The following CSMD3 variants were observed in gnomAD, a reference collection of about 807,000 sequenced individuals.
CSMD3 encodes CUB and sushi domain-containing protein 3.
CSMD3 carries 177 observed loss-of-function variants against 435.2 expected under a neutral mutation model. The observed-to-expected ratio is 0.41, with a 90% CI of 0.36 to 0.46. The LOEUF (loss-of-function observed/expected upper bound fraction) is 0.46, where lower values mean the gene tolerates loss of function less well. CSMD3 is among the 20% of genes least tolerant of loss of function. CSMD3 has a pLI of 0.34. For synonymous variants in CSMD3, 1,656 were observed against 1,520.5 expected (o/e 1.09, Z -2.07); for missense variants, 4,265 against 4,504.6 (o/e 0.95, Z 1.52).
intron 4 of CSMD3, among the ~76,000 whole-genome samples, chr8:113,128,284 G>C (rs2091192405): frequency 6.6e-6 from 1 of 151,768 alleles, no homozygotes; most frequent in South Asian, 2.1e-4. Context: ...AATGAAAAGA[G>C]GAAGGAAAAG....
At chr8:112,389,022 A>T (rs555347690) in intron 36 of CSMD3, among the ~76,000 whole-genome samples, 1 of 152,280 alleles carries the variant, frequency 6.6e-6, no homozygotes, top group South Asian at 2.1e-4. Flanking sequence ...GGAGAAAAAA[A>T]TAGTCTATTA....
Position 112,336,639 on chromosome 8 carries a change from A to T in CSMD3, c.7019+13T>A, listed in dbSNP as rs1824589679. 1 of 1,570,524 alleles carries T rather than the reference A, an allele frequency of 6.4e-7. No individual in the cohort carries two copies. The highest frequency in any genetic ancestry group is 8.8e-7 in the Non-Finnish European group (1 of 1,140,622). ...TATAATTGAATAAATCAATAACAAT[A>T]GTCCTGACTTACCATACAGTAATGA... On this transcript the variant is annotated intron_variant, in intron 44 of 70. Coordinates refer to ENST00000297405, the MANE Select transcript of CSMD3 (RefSeq NM_198123.2).
chr8:113,415,041 G>A (rs1649335725), intron 1 of CSMD3, among the ~76,000 whole-genome samples: 1 of 152,084 alleles, frequency 6.6e-6, no homozygotes, highest in Non-Finnish European at 1.5e-5. Flanking sequence ...GAATTAACTA[G>A]TGAAAAGTAA....
At chr8:113,069,223 G>T (rs576926107) in intron 5 of CSMD3, among the ~76,000 whole-genome samples, 6 of 152,184 alleles carry the variant, frequency 3.9e-5, no homozygotes, top group African/African-American at 1.4e-4. Flanking sequence ...CTGCCTAGTA[G>T]ATTAGACTAT....
At chr8:112,581,916 A>T (rs554163470) in intron 23 of CSMD3, among the ~76,000 whole-genome samples, 18 of 152,050 alleles carry the variant, frequency 1.2e-4, no homozygotes, top group Non-Finnish European at 2.4e-4. Flanking sequence ...CCTGAAGGAA[A>T]TGAGGGACAC....
chr8:112,390,448 G>A (rs1033600548), intron 36 of CSMD3, among the ~76,000 whole-genome samples: 2 of 152,062 alleles, frequency 1.3e-5, no homozygotes, highest in African/African-American at 4.8e-5. Flanking sequence ...TGTTATATGG[G>A]GTTAACACAT....
At chr8:112,940,727 C>A (rs964926914) in intron 9 of CSMD3, among the ~76,000 whole-genome samples, 4 of 151,758 alleles carry the variant, frequency 2.6e-5, no homozygotes, top group African/African-American at 9.7e-5. Context: ...AGATACCTTA[C>A]TTCTCCAAGG....
At chr8:113,155,338 T>C (rs1473182888) in intron 4 of CSMD3, among the ~76,000 whole-genome samples, 3 of 152,050 alleles carry the variant, frequency 2.0e-5, no homozygotes, top group Non-Finnish European at 4.4e-5. Context: ...ATGGACTAGC[T>C]TCCCCAAGTA....
At chr8:112,437,620 A>G (rs1218127318) in intron 32 of CSMD3, among the ~76,000 whole-genome samples, 1 of 152,112 alleles carries the variant, frequency 6.6e-6, no homozygotes, top group East Asian at 1.9e-4. Context: ...AATTATATGA[A>G]CAATATAATT....
intron 10 of CSMD3, among the ~76,000 whole-genome samples, chr8:112,908,015 G>C (rs1343704249): frequency 6.6e-6 from 1 of 151,146 alleles, no homozygotes; most frequent in Non-Finnish European, 1.5e-5. Context: ...TACTTTTAAT[G>C]ATAAACAAAA....
intron 31 of CSMD3, among the ~76,000 whole-genome samples, chr8:112,482,383 A>G (rs565611568): frequency 1.3e-5 from 2 of 152,376 alleles, no homozygotes; most frequent in Non-Finnish European, 2.9e-5. Flanking sequence ...AAATTGGGAT[A>G]TAATTTACAT....
In CSMD3 at chr8:112,335,258, A is replaced by G. The variant is rs1824447507; in HGVS notation, c.7165+71T>C. 8 of 1,404,948 alleles carry G rather than the reference A, an allele frequency of 5.7e-6. No homozygotes were observed. In the South Asian group the frequency reaches 9.4e-5, roughly 17 times the overall value. The allele number at this position is 1,404,948 out of a possible 1,614,324, so 87.0% of individuals were successfully genotyped here. A position where few individuals can be genotyped will look rare whatever the true frequency, so the allele number is the denominator to read the frequency against. On this transcript the variant is annotated intron_variant, in intron 45 of 70. Transcript: ENST00000297405. The stretch of plus-strand genomic sequence containing the variant: ...CTTTTCAATCATTGGTTAAATATAT[A>G]TTACATTCACTTTTTTCCAGGACAA...
chr8:113,204,988 C>CTT (rs111767659), intron 3 of CSMD3, among the ~76,000 whole-genome samples: 4,751 of 146,052 alleles, frequency 0.033, 87 homozygotes, highest in Admixed American at 0.042. Context: ...AGGGGAACTC[C>CTT]TTTTTTTTTT....
intron 1 of CSMD3, among the ~76,000 whole-genome samples, chr8:113,331,106 A>G (rs2094024255): frequency 6.6e-6 from 1 of 151,818 alleles, no homozygotes; most frequent in African/African-American, 2.4e-5. Context: ...ACAGGTTACT[A>G]AAATCAAGAA....
chr8:112,937,146 G>T (rs751152892), intron 9 of CSMD3, among the ~76,000 whole-genome samples: 4 of 152,004 alleles, frequency 2.6e-5, no homozygotes, highest in Admixed American at 6.6e-5. Context: ...TATTTTAAAT[G>T]TCCTATCAGT....
intron 1 of CSMD3, chr8:113,377,102 A>G (rs1329357925): frequency 3.1e-6 from 4 of 1,276,316 alleles, no homozygotes; most frequent in Non-Finnish European, 4.0e-6. Flanking sequence ...GACTCCCCCA[A>G]GGGCTGCGGC....
At chr8:112,237,406 A>G in intron 66 of CSMD3, 58 bp from the exon 67 acceptor site, 1 of 1,232,014 alleles carries the variant, frequency 8.1e-7, no homozygotes, top group Non-Finnish European at 1.2e-6. Flanking sequence ...AAATATAAGC[A>G]TTAAATAGAG....
chr8:112,579,522 T>A (rs1463239519), intron 23 of CSMD3, among the ~76,000 whole-genome samples: 2 of 151,990 alleles, frequency 1.3e-5, no homozygotes, highest in African/African-American at 4.8e-5. Flanking sequence ...ATTAGAAAAT[T>A]TTAAAAATTA....
intron 10 of CSMD3, among the ~76,000 whole-genome samples, chr8:112,885,714 G>A (rs1026123595): frequency 6.6e-6 from 1 of 151,746 alleles, no homozygotes; most frequent in Non-Finnish European, 1.5e-5. Flanking sequence ...AATAGCTTGT[G>A]TAGTCTTCAT....
Sources: allele counts gnomAD v4.1 joint callset (sites outside exome capture counted in the v4.1 genomes callset), GRCh38; gene constraint gnomAD v4.1.1; transcripts MANE v1.5; gene names NCBI Gene and HGNC (gene_info 2026-07-23, HGNC 2026-07-21).